Variants in OTOGL observed in about 807,000 individuals in gnomAD.
The protein encoded by OTOGL is otogelin like.
Under a neutral mutation model 318.5 loss-of-function variants are expected in OTOGL, and 285 were observed. That is an observed-to-expected ratio of 0.89 (90% CI 0.81 to 0.99). The LOEUF (loss-of-function observed/expected upper bound fraction) is 0.99, where lower values mean the gene tolerates loss of function less well. Among genes scored for constraint, OTOGL ranks in the 50% least tolerant of loss-of-function variants. The probability of loss-of-function intolerance (pLI) is 0.00; values close to 1 mark genes in which losing one functional copy is unlikely to be tolerated. For synonymous variants in OTOGL, 987 were observed against 936.5 expected (o/e 1.05, Z -0.99); for missense variants, 2,899 against 2,845.6 (o/e 1.02, Z -0.43).
At chr12:80,293,619 T>C (rs1023659106) in intron 26 of OTOGL, among the ~76,000 whole-genome samples, 1 of 152,102 alleles carries the variant, frequency 6.6e-6, no homozygotes, top group Non-Finnish European at 1.5e-5. Flanking sequence ...TACTTTTTCG[T>C]CAGTTCAGTC....
chr12:80,370,672 G>A lies in OTOGL; in HGVS notation c.6718G>A (p.Glu2240Lys). The change falls in exon 56 of 59, where the codon GAG (glutamate) becomes AAG (lysine). Residue 2240 changes from glutamate (E) to lysine (K), a missense_variant. Physicochemically the swap from Glu to Lys is moderately conservative, Grantham distance 56 (BLOSUM62 1). Around this residue, in one of 3 missense-constraint regions of OTOGL, gnomAD observed 289 missense variants for 304.6 expected, o/e 0.95. Transcript: ENST00000547103. ...CACAATGGTCTGTCCCCCTTTTAAT[G>A]AGACTGAATGCAAAATGGTTTGTAC... ...NYTMVCPPFN[E>K]TECKMNEGIV... is the part of the protein sequence containing the mutation. 1 of 1,581,992 alleles carries A rather than the reference G, an allele frequency of 6.3e-7. No homozygotes were observed. Among genetic ancestry groups the A allele is most frequent in the Non-Finnish European group, 8.6e-7 (1 of 1,160,348 alleles).
chr12:80,305,756 G>C, intron 29 of OTOGL, 61 bp downstream of exon 29: 2 of 1,267,456 alleles, frequency 1.6e-6, no homozygotes, highest in Non-Finnish European at 2.1e-6. Flanking sequence ...TTTTTCACTA[G>C]AACATTTTAT....
intron 7 of OTOGL, among the ~76,000 whole-genome samples, chr12:80,228,392 C>T (rs1424786160): frequency 6.6e-6 from 1 of 151,982 alleles, no homozygotes; most frequent in Non-Finnish European, 1.5e-5. Context: ...CAGGGAGCTG[C>T]AATCACACCA....
chr12:80,363,053 G>A (rs771692690), intron 52 of OTOGL, among the ~76,000 whole-genome samples: 35 of 152,292 alleles, frequency 2.3e-4, no homozygotes, highest in Non-Finnish European at 4.1e-4. Context: ...CTAGGCTCAA[G>A]TGATCCTCCC....
chr12:80,372,002 C>A lies in OTOGL; in HGVS notation c.6736-17C>A. 6.7e-7 allele frequency: 1 copy of A among 1,502,626 alleles called. No homozygotes were observed. Among genetic ancestry groups the A allele is most frequent in the Non-Finnish European group, 9.0e-7 (1 of 1,114,464 alleles). 93.1% of individuals were successfully genotyped at this position (1,502,626 alleles called of 1,614,324 possible). On this transcript the variant is annotated splice_polypyrimidine_tract_variant and intron_variant, in intron 56 of 58. Coordinates refer to ENST00000547103, the MANE Select transcript of OTOGL (RefSeq NM_001378609.3). ...AACACCATATTCTTTGACTTTATTG[C>A]TTTTTTCTCTTTCTAGAATGAAGGG...
At chr12:80,262,201 A>G (rs1351174979) in intron 19 of OTOGL, 108 bp downstream of exon 19, 1 of 1,156,664 alleles carries the variant, frequency 8.6e-7, no homozygotes, top group African/African-American at 1.6e-5. Context: ...TTTCTCCATT[A>G]TGGTAAAATC....
chr12:80,103,194 A>G, intron 1 of OTOGL: 2 of 1,396,596 alleles, frequency 1.4e-6, no homozygotes, highest in South Asian at 1.2e-5. Context: ...TCGGATGGGC[A>G]TGGATCGCTC....
intron 29 of OTOGL, among the ~76,000 whole-genome samples, chr12:80,308,873 A>G (rs1415561173): frequency 6.6e-6 from 1 of 152,198 alleles, no homozygotes; most frequent in Non-Finnish European, 1.5e-5. Flanking sequence ...AAGCTGAGGC[A>G]GGAGAATCAG....
intron 42 of OTOGL, among the ~76,000 whole-genome samples, chr12:80,337,331 T>C (rs531515381): frequency 6.6e-6 from 1 of 151,764 alleles, no homozygotes; most frequent in African/African-American, 2.4e-5. Context: ...GGAAATGCTA[T>C]GAAGGAGAGG....
intron 29 of OTOGL, among the ~76,000 whole-genome samples, chr12:80,309,302 G>A (rs1378688816): frequency 6.6e-6 from 1 of 152,150 alleles, no homozygotes; most frequent in African/African-American, 2.4e-5. Flanking sequence ...TGATAGAAGT[G>A]CACACAAAGT....
At chr12:80,117,894 A>T (rs962303692) in intron 1 of OTOGL, among the ~76,000 whole-genome samples, 1 of 152,178 alleles carries the variant, frequency 6.6e-6, no homozygotes, top group African/African-American at 2.4e-5. Context: ...TCAAAAGCAC[A>T]TCTTAAAATG....
intron 1 of OTOGL, among the ~76,000 whole-genome samples, chr12:80,193,535 T>G (rs555109091): frequency 6.6e-6 from 1 of 152,022 alleles, no homozygotes; most frequent in South Asian, 2.1e-4. Context: ...ATAATAATAA[T>G]AATAATAAGG....
intron 33 of OTOGL, among the ~76,000 whole-genome samples, chr12:80,320,001 T>C (rs1428362913): frequency 1.3e-5 from 2 of 152,322 alleles, no homozygotes; most frequent in South Asian, 2.1e-4. Context: ...CTGTATTCTC[T>C]TTTCTATCAT....
At position 80,366,619 on chromosome 12, in the gene OTOGL, T is replaced by C; in HGVS notation, c.6313T>C (p.Cys2105Arg). 4 of 1,421,866 alleles carry C rather than the reference T, an allele frequency of 2.8e-6. No individual in the cohort carries two copies. Among genetic ancestry groups the C allele is most frequent in the Non-Finnish European group, 3.7e-6 (4 of 1,081,160 alleles). The allele number at this position is 1,421,866 out of a possible 1,614,324, so 88.1% of individuals were successfully genotyped here. A position where few individuals can be genotyped will look rare whatever the true frequency, so the allele number is the denominator to read the frequency against. The part of the protein sequence containing the change: ...IDHNFQSDCG[C>R]IQYLCEKDDV... ...CCATAACTTCCAGAGTGATTGTGGA[T>C]GCATACAGTATCTCTGTGGTAACTA... is the stretch of plus-strand genomic sequence containing the variant. The change falls in exon 53 of 59, where the codon TGC becomes CGC. Residue 2105 changes from cysteine (C) to arginine (R), a missense_variant. Physicochemically the swap from Cys to Arg is radical, Grantham distance 180. Coordinates refer to ENST00000547103, the MANE Select transcript of OTOGL (RefSeq NM_001378609.3).
intron 52 of OTOGL, among the ~76,000 whole-genome samples, chr12:80,364,879 C>T (rs1358551080): frequency 6.6e-6 from 1 of 152,012 alleles, no homozygotes; most frequent in Non-Finnish European, 1.5e-5. Context: ...TGCTTAACAT[C>T]GTTAAGTATC....
chr12:80,156,630 A>G (rs1397092652), intron 1 of OTOGL, among the ~76,000 whole-genome samples: 1 of 152,084 alleles, frequency 6.6e-6, no homozygotes, highest in Non-Finnish European at 1.5e-5. Context: ...GTCTCATGAG[A>G]TCTGATCATT....
chr12:80,320,747 A>G lies in OTOGL; in HGVS notation c.4081+47A>G, dbSNP rs768159347. On this transcript the variant is annotated intron_variant, in intron 34 of 58. Coordinates refer to ENST00000547103, the MANE Select transcript of OTOGL (RefSeq NM_001378609.3). ...AAAAGAGAACAAATAGGTAATTTAT[A>G]TTAGGCAGAATATTTATGTCTTTAA... 6 of 1,454,704 alleles carry G rather than the reference A, an allele frequency of 4.1e-6. No individual in the cohort carries two copies. The East Asian group carries it at 7.1e-5, about 17-fold the overall frequency. The allele number at this position is 1,454,704 out of a possible 1,614,324, so 90.1% of individuals were successfully genotyped here.
At chr12:80,244,814 C>A (rs1284978587) in intron 11 of OTOGL, among the ~76,000 whole-genome samples, 1 of 144,208 alleles carries the variant, frequency 6.9e-6, no homozygotes, top group East Asian at 2.0e-4. Flanking sequence ...TTCTCCACAT[C>A]CTCTCCAGCA....
Position 80,320,440 on chromosome 12 carries a change from T to G in OTOGL, c.3821T>G (p.Leu1274Trp), listed in dbSNP as rs1343221212. The G allele has an allele frequency of 6.2e-7, 1 of 1,612,812 alleles. No homozygotes were observed. The highest frequency in any genetic ancestry group is 8.5e-7 in the Non-Finnish European group (1 of 1,179,144). The stretch of plus-strand genomic sequence containing the variant: ...TTTACAGCATTAGCACTTGTTTCCT[T>G]GGAATCTGCTGAAAGGCCAAACTAC... ...EKVSSLALVS[L>W]ESAERPNYFL... Residue 1274 changes from leucine (L) to tryptophan (W), a missense_variant, in exon 34 of 59, where the codon TTG (leucine) becomes TGG (tryptophan). This residue lies in a region of OTOGL where 2,607 missense variants were observed against 2,524.9 expected (regional missense o/e 1.03). Transcript: ENST00000547103.
Sources: allele counts gnomAD v4.1 joint callset (sites outside exome capture counted in the v4.1 genomes callset), GRCh38; gene constraint gnomAD v4.1.1; regional missense constraint gnomAD v4.1.1; transcripts MANE v1.5; gene names NCBI Gene and HGNC (gene_info 2026-07-23, HGNC 2026-07-21).